The following MXRA7 variants were observed in gnomAD, a reference collection of about 807,000 sequenced individuals.
MXRA7 encodes the protein matrix-remodeling-associated protein 7.
In MXRA7, 18 loss-of-function variants were observed where a neutral mutation model predicts 17.4. That is an observed-to-expected ratio of 1.03 (90% CI 0.71 to 1.53). MXRA7 has a LOEUF of 1.53. MXRA7 is among the 40% of genes most tolerant of loss of function. MXRA7 has a pLI of 0.00. For synonymous variants in MXRA7, 70 were observed against 101.7 expected (o/e 0.69, Z 1.87); for missense variants, 141 against 209.3 (o/e 0.67, Z 2.01).
intron 1 of MXRA7, among the ~76,000 whole-genome samples, chr17:76,708,231 G>T (rs771297319): frequency 2.0e-5 from 3 of 152,260 alleles, no homozygotes; most frequent in African/African-American, 7.2e-5. Flanking sequence ...AGAGGCAGCA[G>T]CTGCCCCAGC....
rs1195897891 is a variant in MXRA7 at position 76,680,175 on chromosome 17, T to A, written c.*692A>T. 1 of 879,316 alleles carries A rather than the reference T, an allele frequency of 1.1e-6. No homozygotes were observed. The highest frequency in any genetic ancestry group is 1.2e-4 in the East Asian group (1 of 8,392). 54.5% of individuals were successfully genotyped at this position (879,316 alleles called of 1,614,324 possible). ...TGCTTCTGCTATAGCAGAGTGGAGATTTGGCTGAGCTGGTAAGAACCTCAG... is the reference window on the plus strand; with the variant it reads ...TGCTTCTGCTATAGCAGAGTGGAGAATTGGCTGAGCTGGTAAGAACCTCAG... On this transcript the variant is annotated 3_prime_UTR_variant, in exon 4 of 4. Coordinates refer to ENST00000449428, the MANE Select transcript of MXRA7 (RefSeq NM_198530.4).
intron 1 of MXRA7, among the ~76,000 whole-genome samples, chr17:76,691,853 A>G (rs549995499): frequency 1.1e-4 from 16 of 152,290 alleles, no homozygotes; most frequent in African/African-American, 3.6e-4. Context: ...ATTATGTGCA[A>G]AGGACACAAA....
Position 76,701,798 on chromosome 17 carries a change from C to T in MXRA7, c.342+8807G>A, listed in dbSNP as rs1451755952. On this transcript the variant is annotated intron_variant, in intron 1 of 3. Transcript: ENST00000449428. ...GTTCCAATGTCCAGACCAAAAGCAT[C>T]GTCCTGCATTCCAACCTCACATCCC... Among the ~76,000 whole-genome samples the T allele has an allele frequency of 2.6e-5, 4 of 152,178 alleles. No individual in the cohort carries two copies. In the East Asian group the frequency reaches 7.7e-4, roughly 29 times the overall value.
chr17:76,688,658 C>G, intron 1 of MXRA7: 1 of 1,238,792 alleles, frequency 8.1e-7, no homozygotes, highest in African/African-American at 1.5e-5. Flanking sequence ...GTTCCCAAAA[C>G]TGGAGCCCCA....
chr17:76,688,033 C>A, intron 2 of MXRA7, 80 bp downstream of exon 2: 1 of 1,380,908 alleles, frequency 7.2e-7, no homozygotes, highest in Non-Finnish European at 1.0e-6. Context: ...ACTCGAACCC[C>A]AGCTCCTGTG....
chr17:76,697,041 T>C (rs561517782), intron 1 of MXRA7, among the ~76,000 whole-genome samples: 2 of 152,186 alleles, frequency 1.3e-5, no homozygotes, highest in Non-Finnish European at 2.9e-5. Flanking sequence ...ACTCGGCTCA[T>C]GGGCTGAACT....
At chr17:76,684,612 G>A (rs944141062) in intron 3 of MXRA7, 4 of 390,184 alleles carry the variant, frequency 1.0e-5, no homozygotes, top group African/African-American at 2.1e-5. Context: ...GCTACAAGGC[G>A]CTGCTGCAGG....
In MXRA7 at chr17:76,680,420, C is replaced by G. The variant is rs1440499258; in HGVS notation, c.*447G>C. Reference sequence around the variant, plus strand: ...CGGAGCTGGTGAGCACAGGTGAGCTCTACCTCATTTGTCTCTCATTCCTCA... The same window carrying G: ...CGGAGCTGGTGAGCACAGGTGAGCTGTACCTCATTTGTCTCTCATTCCTCA... On this transcript the variant is annotated 3_prime_UTR_variant, in exon 4 of 4. Coordinates refer to ENST00000449428, the MANE Select transcript of MXRA7 (RefSeq NM_198530.4). The G allele has an allele frequency of 2.0e-6, 2 of 987,576 alleles. No homozygotes were observed. Among genetic ancestry groups the G allele is most frequent in the Non-Finnish European group, 2.4e-6 (2 of 831,472 alleles). The allele number at this position is 987,576 out of a possible 1,614,324, so 61.2% of individuals were successfully genotyped here.
chr17:76,708,015 C>T (rs914120179), intron 1 of MXRA7, among the ~76,000 whole-genome samples: 9 of 152,220 alleles, frequency 5.9e-5, no homozygotes, highest in Admixed American at 5.2e-4. Context: ...CCTGTGCTGC[C>T]CTGGGGAAGC....
intron 1 of MXRA7, among the ~76,000 whole-genome samples, chr17:76,693,679 TA>T (rs1405228774): frequency 6.6e-6 from 1 of 151,852 alleles, no homozygotes; most frequent in Non-Finnish European, 1.5e-5. Flanking sequence ...ACCTCATTTC[TA>T]CAAAAAAATT....
At chr17:76,682,137 T>G (rs377291401) in intron 3 of MXRA7, among the ~76,000 whole-genome samples, 1 of 152,194 alleles carries the variant, frequency 6.6e-6, no homozygotes, top group African/African-American at 2.4e-5. Context: ...GGGGAACTAA[T>G]TGGGGGCCTT....
chr17:76,708,574 C>T (rs911500203), intron 1 of MXRA7, among the ~76,000 whole-genome samples: 3 of 152,232 alleles, frequency 2.0e-5, no homozygotes, highest in African/African-American at 7.2e-5. Flanking sequence ...CTGGAGTCCA[C>T]TTCAGGACAA....
rs111583852 is a variant in MXRA7, at chr17:76,690,630, G to GA, written c.343-2455dup. ...AAGGCTGAGGCAGAAGGATCACTTG[G>GA]AAAAAAAAAAGTAGAAAGAATGTAA... On this transcript the variant is annotated intron_variant, in intron 1 of 3. Coordinates refer to ENST00000449428, the MANE Select transcript of MXRA7 (RefSeq NM_198530.4). 9.9e-3 allele frequency among the ~76,000 whole-genome samples: 1,457 copies of GA among 147,688 alleles called. 28 individuals are homozygous for GA. Among genetic ancestry groups the GA allele is most frequent in the African/African-American group, 0.033 (1,355 of 40,506 alleles).
intron 3 of MXRA7, among the ~76,000 whole-genome samples, chr17:76,682,786 C>T (rs185813841): frequency 6.6e-6 from 1 of 152,252 alleles, no homozygotes; most frequent in Non-Finnish European, 1.5e-5. Context: ...AGAAGTCCTC[C>T]GGCCCCTCCT....
At chr17:76,678,471 G>A (rs1219190360), downstream of MXRA7, among the ~76,000 whole-genome samples, 1 of 152,168 alleles carries the variant, frequency 6.6e-6, no homozygotes, top group Non-Finnish European at 1.5e-5. Context: ...CGAGGCGGCT[G>A]CCGAACCCAG....
At chr17:76,702,498 T>C (rs2076601200) in intron 1 of MXRA7, among the ~76,000 whole-genome samples, 2 of 150,846 alleles carry the variant, frequency 1.3e-5, no homozygotes, top group South Asian at 2.1e-4. Flanking sequence ...TCTAAATAAA[T>C]AAGTAAATAA....
Position 76,688,097 on chromosome 17 carries a change from C to G in MXRA7, c.406+16G>C. On this transcript the variant is annotated intron_variant, in intron 2 of 3. Coordinates refer to ENST00000449428, the MANE Select transcript of MXRA7 (RefSeq NM_198530.4). ...ACACTGTCAGGCCCCCTCATGAGCG[C>G]AGAGGTCCCACTCACCGTCCTCCTC... The G allele has an allele frequency of 6.2e-7, 1 of 1,612,712 alleles. No individual in the cohort carries two copies. Among genetic ancestry groups the G allele is most frequent in the Non-Finnish European group, 8.5e-7 (1 of 1,179,690 alleles).
At chr17:76,686,349 A>T (rs370801907) in intron 2 of MXRA7, among the ~76,000 whole-genome samples, 7 of 152,028 alleles carry the variant, frequency 4.6e-5, no homozygotes, top group Non-Finnish European at 8.8e-5. Context: ...GCGTGGTGGC[A>T]GGCGCCTGTA....
At chr17:76,677,786 G>C, downstream of MXRA7, 1 of 906,138 alleles carries the variant, frequency 1.1e-6, no homozygotes, top group Non-Finnish European at 1.8e-6. Flanking sequence ...CGGCGGAGTT[G>C]GGACTCTCCT....
Sources: gnomAD v4.1 joint callset for allele counts (sites outside exome capture counted in the v4.1 genomes callset) on GRCh38, gnomAD v4.1.1 for gene constraint, MANE v1.5 for transcripts, NCBI Gene and HGNC (gene_info 2026-07-23, HGNC 2026-07-21) for gene names.